MIPOL1: variants seen among roughly 807,000 people sequenced by gnomAD.
The protein encoded by MIPOL1 is mirror-image polydactyly gene 1 protein.
A neutral mutation model predicts 60.9 loss-of-function variants in MIPOL1; 57 were observed. That is an observed-to-expected ratio of 0.94 (90% CI 0.76 to 1.17). MIPOL1 has a LOEUF of 1.17. Among genes scored for constraint, MIPOL1 ranks in the 50% most tolerant of loss-of-function variants. MIPOL1 has a pLI of 0.00. For synonymous variants in MIPOL1, 179 were observed against 168.8 expected, an observed-to-expected ratio of 1.06 and a Z score of -0.47; for missense variants, 551 against 511.6, an observed-to-expected ratio of 1.08 and a Z score of -0.74.
At chr14:37,409,685 C>T (rs2093649814) in intron 10 of MIPOL1, among the ~76,000 whole-genome samples, 1 of 152,136 alleles carries the variant, frequency 6.6e-6, no homozygotes, top group South Asian at 2.1e-4. Flanking sequence ...ACTTGGGAGG[C>T]TGATGCAGGA....
At chr14:37,330,774 C>A (rs1353150703) in intron 9 of MIPOL1, among the ~76,000 whole-genome samples, 4 of 146,262 alleles carry the variant, frequency 2.7e-5, no homozygotes, top group African/African-American at 1.0e-4. Context: ...CCCTGTCCTT[C>A]TTTTACCACT....
intron 1 of MIPOL1, among the ~76,000 whole-genome samples, chr14:37,235,810 A>G (rs1971372936): frequency 6.6e-6 from 1 of 152,078 alleles, no homozygotes; most frequent in Non-Finnish European, 1.5e-5. Context: ...TGCCTATTCT[A>G]GGGACCTCAT....
chr14:37,315,801 A>G (rs779522477), intron 9 of MIPOL1, among the ~76,000 whole-genome samples: 19 of 152,224 alleles, frequency 1.2e-4, no homozygotes, highest in Non-Finnish European at 2.5e-4. Flanking sequence ...CCATTGGGAT[A>G]TGGATAAGTA....
intron 9 of MIPOL1, among the ~76,000 whole-genome samples, chr14:37,353,747 G>T (rs1262764163): frequency 3.3e-5 from 5 of 152,078 alleles, no homozygotes; most frequent in Non-Finnish European, 7.3e-5. Flanking sequence ...GGGATCAGTG[G>T]TGATATCCAG....
At chr14:37,358,753 A>C (rs908033253) in intron 9 of MIPOL1, among the ~76,000 whole-genome samples, 1 of 152,120 alleles carries the variant, frequency 6.6e-6, no homozygotes, top group African/African-American at 2.4e-5. Context: ...ACATAGGTAG[A>C]TTACAAAAAT....
intron 10 of MIPOL1, chr14:37,369,972 A>G (rs1267587270): frequency 6.5e-6 from 1 of 153,522 alleles, no homozygotes; most frequent in African/African-American, 2.4e-5. Context: ...CTTTGCATCA[A>G]TATTTATTAT....
intron 11 of MIPOL1, among the ~76,000 whole-genome samples, chr14:37,429,249 T>C (rs1048371823): frequency 6.6e-6 from 1 of 152,202 alleles, no homozygotes; most frequent in Non-Finnish European, 1.5e-5. Context: ...TTTCGATGTT[T>C]GCTGATTTTA....
At chr14:37,202,408 AAC>A (rs1244671809) in intron 1 of MIPOL1, among the ~76,000 whole-genome samples, 1 of 146,550 alleles carries the variant, frequency 6.8e-6, no homozygotes, top group Non-Finnish European at 1.5e-5. Context: ...CACACACACA[AAC>A]ACACACACAA....
chr14:37,245,248 G>GA (rs1346374225), intron 1 of MIPOL1, among the ~76,000 whole-genome samples: 3 of 152,066 alleles, frequency 2.0e-5, no homozygotes, highest in Non-Finnish European at 2.9e-5. Flanking sequence ...TGTGTTAGCA[G>GA]AAAAAAAATT....
chr14:37,519,213 G>T (rs1299671845), intron 12 of MIPOL1, among the ~76,000 whole-genome samples: 1 of 152,136 alleles, frequency 6.6e-6, no homozygotes, highest in African/African-American at 2.4e-5. Context: ...TAACCAAGGG[G>T]TTTAGAGCTT....
chr14:37,264,601 G>A (rs908354006), intron 3 of MIPOL1, among the ~76,000 whole-genome samples: 5 of 152,046 alleles, frequency 3.3e-5, no homozygotes, highest in African/African-American at 1.2e-4. Flanking sequence ...GCACTCCAAC[G>A]TGGGTGACGG....
intron 10 of MIPOL1, among the ~76,000 whole-genome samples, chr14:37,374,243 G>C (rs1302625749): frequency 6.6e-6 from 1 of 151,754 alleles, no homozygotes; most frequent in Non-Finnish European, 1.5e-5. Context: ...TGTTTTTCGG[G>C]GGGTAAATTT....
At chr14:37,326,747 C>T (rs1250795879) in intron 9 of MIPOL1, among the ~76,000 whole-genome samples, 1 of 152,132 alleles carries the variant, frequency 6.6e-6, no homozygotes, top group East Asian at 1.9e-4. Context: ...ATAGGAATGT[C>T]TGGGGAAACA....
chr14:37,394,658 A>C (rs146091989), intron 10 of MIPOL1, among the ~76,000 whole-genome samples: 10 of 151,794 alleles, frequency 6.6e-5, no homozygotes, highest in Non-Finnish European at 1.3e-4. Context: ...TAGATTCTGG[A>C]TATTAGTCCT....
In MIPOL1 at chr14:37,345,349, C is replaced by T. The variant is rs569584408; in HGVS notation, c.829-24168C>T. 1.2e-4 allele frequency among the ~76,000 whole-genome samples: 19 copies of T among 152,306 alleles called. No homozygotes were observed. The South Asian group carries it at 3.9e-3, about 32-fold the overall frequency. On this transcript the variant is annotated intron_variant, in intron 9 of 12. Transcript: ENST00000684589. ...TTGACTCCTGGACTTAAGTGATCTT[C>T]CTGCCTTTGCCTCCCAAAGTTCTGG... is the stretch of plus-strand genomic sequence containing the variant.
chr14:37,249,093 A>G (rs1282772256), intron 3 of MIPOL1, among the ~76,000 whole-genome samples: 1 of 152,140 alleles, frequency 6.6e-6, no homozygotes, highest in Non-Finnish European at 1.5e-5. Flanking sequence ...TTTAAGATCT[A>G]TTACAGTAAA....
chr14:37,534,343 T>G (rs1220521874), intron 12 of MIPOL1, among the ~76,000 whole-genome samples: 1 of 152,196 alleles, frequency 6.6e-6, no homozygotes, highest in African/African-American at 2.4e-5. Flanking sequence ...TCTGCAAAGG[T>G]TATTGACAAA....
At position 37,266,957 on chromosome 14, in the gene MIPOL1, T is replaced by C; in HGVS notation, c.39T>C (p.Leu13=). 1 of 1,612,176 alleles carries C rather than the reference T, an allele frequency of 6.2e-7. No homozygotes were observed. The highest frequency in any genetic ancestry group is 8.5e-7 in the Non-Finnish European group (1 of 1,178,866). ...NWSKDITHSY[L]EQETTGINKS... is the part of the protein sequence containing the mutation. The stretch of plus-strand genomic sequence containing the variant: ...ATACAGACATAACCCACAGTTATCT[T>C]GAACAAGAAACTACGGGGATAAATA... Residue 13 remains leucine, a synonymous_variant, in exon 4 of 13, where the codon CTT becomes CTC. Coordinates refer to ENST00000684589, the MANE Select transcript of MIPOL1 (RefSeq NM_001388067.1).
intron 11 of MIPOL1, among the ~76,000 whole-genome samples, chr14:37,491,049 C>A (rs1177202343): frequency 6.6e-6 from 1 of 151,998 alleles, no homozygotes; most frequent in African/African-American, 2.4e-5. Flanking sequence ...TGTTATATGA[C>A]AAAATTCAAG....
Sources: allele counts gnomAD v4.1 joint callset (sites outside exome capture counted in the v4.1 genomes callset), GRCh38; gene constraint gnomAD v4.1.1; transcripts MANE v1.5; gene names NCBI Gene and HGNC (gene_info 2026-07-23, HGNC 2026-07-21).